The following CSGALNACT1 variants were observed in gnomAD, a reference collection of about 807,000 sequenced individuals.
CSGALNACT1 encodes beta4GalNAcT-1.
Under a neutral mutation model 51.0 loss-of-function variants are expected in CSGALNACT1, and 52 were observed. That is an observed-to-expected ratio of 1.02 (90% confidence interval 0.82 to 1.29). CSGALNACT1 has a LOEUF of 1.29. CSGALNACT1 is among the 50% of genes most tolerant of loss of function. The pLI, the probability that CSGALNACT1 is intolerant of heterozygous loss-of-function variation, is 0.00. For synonymous variants in CSGALNACT1, 341 were observed against 254.4 expected (o/e 1.34, Z -3.24); for missense variants, 935 against 679.2 (o/e 1.38, Z -4.19).
intron 3 of CSGALNACT1, among the ~76,000 whole-genome samples, chr8:19,525,706 T>C (rs1587830608): frequency 1.4e-5 from 2 of 139,470 alleles, no homozygotes; most frequent in Non-Finnish European, 1.5e-5. Context: ...TAGAGAAAAG[T>C]TGCCAAGTGA....
At chr8:19,468,929 A>C (rs974786441) in intron 4 of CSGALNACT1, among the ~76,000 whole-genome samples, 1 of 152,142 alleles carries the variant, frequency 6.6e-6, no homozygotes, top group Non-Finnish European at 1.5e-5. Flanking sequence ...GGATATGCCA[A>C]ACCTTCAGGT....
chr8:19,667,011 G>GAAAAGAAAGAAAGAAAGAAAGA (rs1369110871), intron 1 of CSGALNACT1, among the ~76,000 whole-genome samples: 12 of 32,898 alleles, frequency 3.6e-4, no homozygotes, highest in African/African-American at 2.5e-3. Context: ...AAGAAAGAAA[G>GAAAAGAAAGAAAGAAAGAAAGA]AAAGAAAGGA....
At chr8:19,413,828 G>A (rs1246135897) in intron 8 of CSGALNACT1, among the ~76,000 whole-genome samples, 1 of 152,332 alleles carries the variant, frequency 6.6e-6, no homozygotes, top group East Asian at 1.9e-4. Flanking sequence ...TTGAGGAGCA[G>A]AGACAGCCAG....
At chr8:19,437,576 T>C (rs2060582809) in intron 6 of CSGALNACT1, among the ~76,000 whole-genome samples, 5 of 152,128 alleles carry the variant, frequency 3.3e-5, no homozygotes, top group Non-Finnish European at 4.4e-5. Flanking sequence ...ACTACAGATA[T>C]CACTGGTTAA....
chr8:19,480,250 T>C (rs371534596), intron 4 of CSGALNACT1, among the ~76,000 whole-genome samples: 30 of 152,346 alleles, frequency 2.0e-4, no homozygotes, highest in African/African-American at 7.2e-4. Flanking sequence ...TTCCTGGTCC[T>C]CTCCTTCCTC....
At chr8:19,534,453 G>GA (rs112611341) in intron 3 of CSGALNACT1, among the ~76,000 whole-genome samples, 42 of 149,472 alleles carry the variant, frequency 2.8e-4, no homozygotes, top group Middle Eastern at 3.4e-3. Flanking sequence ...TCCATCTCAA[G>GA]AAAAAAAAAA....
chr8:19,603,117 TAAA>T (rs35440306), upstream of CSGALNACT1, among the ~76,000 whole-genome samples: 1 of 102,076 alleles, frequency 9.8e-6, no homozygotes, highest in Non-Finnish European at 2.2e-5. Flanking sequence ...ATGCAGGAAT[TAAA>T]AAAAAAAAAA....
At chr8:19,526,971 G>C (rs973304078) in intron 3 of CSGALNACT1, among the ~76,000 whole-genome samples, 11 of 152,120 alleles carry the variant, frequency 7.2e-5, no homozygotes, top group African/African-American at 2.2e-4. Flanking sequence ...GTCTCATTCA[G>C]GATCTTAGAT....
intron 1 of CSGALNACT1, among the ~76,000 whole-genome samples, chr8:19,708,706 C>T (rs183256146): frequency 6.6e-6 from 1 of 152,328 alleles, no homozygotes; most frequent in East Asian, 1.9e-4. Context: ...CTGCTCCATC[C>T]TCTCCCCATT....
At chr8:19,749,073 T>C (rs1174580114) in intron 1 of CSGALNACT1, among the ~76,000 whole-genome samples, 1 of 152,178 alleles carries the variant, frequency 6.6e-6, no homozygotes, top group Non-Finnish European at 1.5e-5. Flanking sequence ...GCTGTTTCCT[T>C]ATCCAGTTCA....
chr8:19,687,673 C>A (rs939016879), intron 1 of CSGALNACT1, among the ~76,000 whole-genome samples: 5 of 152,162 alleles, frequency 3.3e-5, no homozygotes, highest in African/African-American at 1.2e-4. Context: ...ACATGCAGTT[C>A]CAGAAATGAA....
chr8:19,605,438 A>G (rs1005547960), upstream of CSGALNACT1, among the ~76,000 whole-genome samples: 5 of 152,184 alleles, frequency 3.3e-5, no homozygotes, highest in East Asian at 3.8e-4. Context: ...TCTGTCTCCA[A>G]TAAATAAATA....
Position 19,757,362 on chromosome 8 carries a change from G to C in CSGALNACT1, c.-297+488C>G, listed in dbSNP as rs1378526685. The C allele has an allele frequency of 6.6e-6, 1 of 151,332 alleles. No individual in the cohort carries two copies. Among genetic ancestry groups the C allele is most frequent in the Non-Finnish European group, 1.5e-5 (1 of 67,442 alleles). The allele number at this position is 151,332 out of a possible 1,614,324, so 9.4% of individuals were successfully genotyped here. On this transcript the variant is annotated intron_variant, in intron 1 of 1. Coordinates refer to the CSGALNACT1 transcript ENST00000517494. This position sits in a 1 kb window ranked among gnomAD's most constrained non-coding sequence, Gnocchi z 4.0. ...GCGGCGGCGGCTCGGGCGGGCGGGC[G>C]CAACAGCGGCCAAGCCTGGCGCCCC... is the stretch of plus-strand genomic sequence containing the variant.
At chr8:19,436,456 A>C (rs928234173) in intron 6 of CSGALNACT1, among the ~76,000 whole-genome samples, 1 of 152,224 alleles carries the variant, frequency 6.6e-6, no homozygotes, top group Non-Finnish European at 1.5e-5. Flanking sequence ...AGTAGAGCCC[A>C]AAACAGTGTC....
intron 3 of CSGALNACT1, among the ~76,000 whole-genome samples, chr8:19,528,954 G>A (rs1290432215): frequency 6.6e-6 from 1 of 152,196 alleles, no homozygotes; most frequent in African/African-American, 2.4e-5. Flanking sequence ...GAAGGTCTAT[G>A]AGTAATGGTT....
At chr8:19,662,089 CG>C (rs2058812731) in intron 1 of CSGALNACT1, among the ~76,000 whole-genome samples, 1 of 114,894 alleles carries the variant, frequency 8.7e-6, no homozygotes, top group African/African-American at 3.1e-5. Flanking sequence ...CCCCCCCCCC[CG>C]CATCTTCAGC....
chr8:19,602,106 A>T (rs1648349508), exon 1 of CSGALNACT1: 1 of 182,676 alleles, frequency 5.5e-6, no homozygotes, highest in Admixed American at 6.1e-5. Context: ...AAAGGTGTCT[A>T]AAAATGAAGC....
chr8:19,658,062 C>CAAA (rs397973082), intron 1 of CSGALNACT1, among the ~76,000 whole-genome samples: 3,090 of 86,102 alleles, frequency 0.036, 176 homozygotes, highest in East Asian at 0.27. Context: ...ACCCTCCTTC[C>CAAA]AAAAAAAAAA....
intron 3 of CSGALNACT1, among the ~76,000 whole-genome samples, chr8:19,518,005 A>C (rs144039905): frequency 0.021 from 3,266 of 152,306 alleles, 41 homozygotes; most frequent in Non-Finnish European, 0.034. Flanking sequence ...GGGAGACTCC[A>C]AGACTCAGGA....
Sources: gnomAD v4.1 joint callset for allele counts (sites outside exome capture counted in the v4.1 genomes callset) on GRCh38, gnomAD v4.1.1 for gene constraint, Gnocchi (gnomAD v3.1) non-coding constraint, MANE v1.5 for transcripts, NCBI Gene and HGNC (gene_info 2026-07-23, HGNC 2026-07-21) for gene names.